The following EIF4G3 variants were observed in gnomAD, a reference collection of about 807,000 sequenced individuals.
The protein encoded by EIF4G3 is eIF-4-gamma 3.
In EIF4G3, 34 loss-of-function variants were observed where a neutral mutation model predicts 186.4. The ratio of observed to expected loss-of-function variants is 0.18; its 90% CI spans 0.14 to 0.24. The LOEUF is 0.24. EIF4G3 is among the 10% of genes least tolerant of loss of function. The pLI is 1.00. For synonymous variants in EIF4G3, 673 were observed against 679.5 expected (o/e 0.99, Z 0.15); for missense variants, 1,536 against 1,948.5 (o/e 0.79, Z 3.99).
chr1:20,833,972 G>C (rs1476733316), intron 30 of EIF4G3, among the ~76,000 whole-genome samples: 4 of 152,140 alleles, frequency 2.6e-5, no homozygotes, highest in African/African-American at 9.7e-5. Flanking sequence ...ACGCAGTAAA[G>C]TTCTGATAAG....
intron 14 of EIF4G3, among the ~76,000 whole-genome samples, chr1:20,920,418 T>C (rs1478398038): frequency 6.6e-6 from 1 of 152,146 alleles, no homozygotes; most frequent in Non-Finnish European, 1.5e-5. Context: ...CAAAAGTAAG[T>C]AGAAAGGGCA....
chr1:21,170,921 G>A (rs1298795843), intron 2 of EIF4G3, among the ~76,000 whole-genome samples: 2 of 151,746 alleles, frequency 1.3e-5, no homozygotes, highest in Non-Finnish European at 2.9e-5. Context: ...CCAGGAAGCA[G>A]AGGTTGCAGT....
chr1:20,972,915 T>C lies in EIF4G3; in HGVS notation c.591+87A>G, dbSNP rs16824904. ...AAAAAAAGGCACAGTAATTTGTGAA[T>C]TGAGATGAATAATGACTACGTAAAC... is the stretch of plus-strand genomic sequence containing the variant. On this transcript the variant is annotated intron_variant, in intron 11 of 36. Coordinates refer to ENST00000602326, the MANE Select transcript of EIF4G3 (RefSeq NM_001391906.1). The C allele has an allele frequency of 1.1e-3, 1,224 of 1,071,650 alleles. 11 individuals carry two copies. The African/African-American group carries it at 0.018, about 16-fold the overall frequency. 66.4% of individuals were successfully genotyped at this position (1,071,650 alleles called of 1,614,324 possible).
intron 2 of EIF4G3, among the ~76,000 whole-genome samples, chr1:21,131,208 C>G (rs1482377217): frequency 6.8e-6 from 1 of 147,400 alleles, no homozygotes. Flanking sequence ...CCACTACACT[C>G]CAGCCTGGGC....
At chr1:21,009,670 G>A (rs771185386) in intron 4 of EIF4G3, among the ~76,000 whole-genome samples, 6 of 151,502 alleles carry the variant, frequency 4.0e-5, no homozygotes, top group Admixed American at 1.3e-4. Context: ...GGGGGGTAGT[G>A]GGGGGACGGA....
At chr1:20,881,189 G>C (rs1240496524) in intron 19 of EIF4G3, among the ~76,000 whole-genome samples, 2 of 152,154 alleles carry the variant, frequency 1.3e-5, no homozygotes, top group East Asian at 3.8e-4. Flanking sequence ...ACGATGAACT[G>C]ATTTTCAACA....
intron 4 of EIF4G3, among the ~76,000 whole-genome samples, chr1:21,012,837 T>A (rs1243416257): frequency 6.6e-6 from 1 of 151,968 alleles, no homozygotes; most frequent in Non-Finnish European, 1.5e-5. Context: ...AATCCACAGA[T>A]CCTCTAAAAG....
chr1:20,835,167 AT>A (rs1353008872), intron 30 of EIF4G3, among the ~76,000 whole-genome samples: 2 of 152,216 alleles, frequency 1.3e-5, no homozygotes, highest in Admixed American at 6.5e-5. Context: ...TTTTTAAAAA[AT>A]ATCTTGAGAC....
intron 4 of EIF4G3, among the ~76,000 whole-genome samples, chr1:21,050,442 C>T (rs899011493): frequency 6.6e-6 from 1 of 152,104 alleles, no homozygotes; most frequent in Non-Finnish European, 1.5e-5. Flanking sequence ...AACCAACAAA[C>T]AAAAAATCCC....
intron 2 of EIF4G3, among the ~76,000 whole-genome samples, chr1:21,113,468 T>C (rs1297549940): frequency 6.6e-6 from 1 of 152,122 alleles, no homozygotes; most frequent in Non-Finnish European, 1.5e-5. Flanking sequence ...CTTTCCTAAA[T>C]ATTGGGCTTT....
rs577233236 is a variant in EIF4G3 at position 20,913,920 on chromosome 1, C to G, written c.1664-8949G>C. Among the ~76,000 whole-genome samples, 193 of 149,936 alleles carry G rather than the reference C, an allele frequency of 1.3e-3. 4 individuals are homozygous for G. The highest frequency in any genetic ancestry group is 0.011 in the Admixed American group (166 of 14,758). The stretch of plus-strand genomic sequence containing the variant: ...CTCCCGGGTTCACGCCATTCTCCTG[C>G]TTCAGCCTCCTCAGCAGCTGGGACT... On this transcript the variant is annotated intron_variant, in intron 14 of 36. Transcript: ENST00000602326.
chr1:21,080,788 A>G (rs1286718702), intron 3 of EIF4G3, among the ~76,000 whole-genome samples: 1 of 152,124 alleles, frequency 6.6e-6, no homozygotes, highest in Non-Finnish European at 1.5e-5. Flanking sequence ...GATTACAGGC[A>G]TAAGCCACCG....
chr1:20,944,721 C>T (rs2095866636), intron 13 of EIF4G3, among the ~76,000 whole-genome samples: 1 of 151,868 alleles, frequency 6.6e-6, no homozygotes, highest in Admixed American at 6.6e-5. Flanking sequence ...TCTATACACA[C>T]TTCAGAAAAA....
At chr1:20,836,559 T>C (rs1001629942) in intron 30 of EIF4G3, among the ~76,000 whole-genome samples, 7 of 152,222 alleles carry the variant, frequency 4.6e-5, no homozygotes, top group Non-Finnish European at 7.3e-5. Context: ...CATAGGGTCT[T>C]TTACCAATGT....
intron 4 of EIF4G3, among the ~76,000 whole-genome samples, chr1:21,008,170 A>G (rs1333312613): frequency 1.3e-5 from 2 of 152,218 alleles, no homozygotes. Flanking sequence ...AAAGCAAACC[A>G]GAATATCCAG....
At chr1:20,894,007 A>G (rs1376272807) in intron 17 of EIF4G3, among the ~76,000 whole-genome samples, 2 of 151,870 alleles carry the variant, frequency 1.3e-5, no homozygotes, top group Non-Finnish European at 2.9e-5. Flanking sequence ...ATCAGGATAT[A>G]GAGCACTTGC....
intron 2 of EIF4G3, among the ~76,000 whole-genome samples, chr1:21,110,043 C>T (rs991691279): frequency 6.6e-6 from 1 of 152,134 alleles, no homozygotes; most frequent in South Asian, 2.1e-4. Context: ...CTGCCTCAGC[C>T]TCCCAAAGTG....
At chr1:21,146,516 T>C (rs575867353) in intron 2 of EIF4G3, among the ~76,000 whole-genome samples, 9 of 152,286 alleles carry the variant, frequency 5.9e-5, no homozygotes, top group Non-Finnish European at 1.2e-4. Flanking sequence ...ATCCCAGCAC[T>C]TTGGGAGGCC....
chr1:20,873,077 T>G (rs968832817), intron 20 of EIF4G3, among the ~76,000 whole-genome samples: 1 of 152,160 alleles, frequency 6.6e-6, no homozygotes, highest in Non-Finnish European at 1.5e-5. Context: ...CCTTTAACAC[T>G]ATAGACAGGT....
Sources: allele counts gnomAD v4.1 joint callset (sites outside exome capture counted in the v4.1 genomes callset), GRCh38; gene constraint gnomAD v4.1.1; transcripts MANE v1.5; gene names NCBI Gene and HGNC (gene_info 2026-07-23, HGNC 2026-07-21).